Variants in ALMS1 observed in about 807,000 individuals in gnomAD.
The protein encoded by ALMS1 is centrosome-associated protein ALMS1.
Under a neutral mutation model 352.2 loss-of-function variants are expected in ALMS1, and 271 were observed. The ratio of observed to expected loss-of-function variants is 0.77; its 90% CI spans 0.70 to 0.85. ALMS1 has a LOEUF of 0.85. Ranked by LOEUF, ALMS1 falls within the 40% of genes least tolerant of loss-of-function variation. The pLI is 0.00. For missense variants in ALMS1, 5,445 were observed against 4,870.7 expected (o/e 1.12, Z -3.51); for synonymous variants, 1,865 against 1,761.2 (o/e 1.06, Z -1.48).
At chr2:73,406,597 C>G (rs1387997472) in intron 1 of ALMS1, among the ~76,000 whole-genome samples, 2 of 151,834 alleles carry the variant, frequency 1.3e-5, no homozygotes, top group Non-Finnish European at 2.9e-5. Flanking sequence ...TTGTAGTTAC[C>G]ATGAGAATAT....
intron 9 of ALMS1, chr2:73,458,033 C>CAAAAAAAAAAAAAA (rs70965735): frequency 1.3e-5 from 1 of 75,294 alleles, no homozygotes; most frequent in African/African-American, 5.9e-5. Context: ...GACTTTGTCT[C>CAAAAAAAAAAAAAA]AAAAAAAAAA....
chr2:73,581,728 C>G (rs1033471155), intron 16 of ALMS1, among the ~76,000 whole-genome samples: 1 of 151,972 alleles, frequency 6.6e-6, no homozygotes, highest in South Asian at 2.1e-4. Context: ...ATCAAAATAA[C>G]TAGAGTGACA....
At chr2:73,478,655 C>T (rs1001016636) in intron 9 of ALMS1, among the ~76,000 whole-genome samples, 2 of 114,878 alleles carry the variant, frequency 1.7e-5, no homozygotes, top group African/African-American at 5.5e-5. Flanking sequence ...GTAATTTATT[C>T]GTTTATTTAT....
intron 10 of ALMS1, 69 bp from the exon 11 acceptor site, chr2:73,519,706 T>C: frequency 6.2e-7 from 1 of 1,603,702 alleles, no homozygotes; most frequent in African/African-American, 1.3e-5. Flanking sequence ...GAAACCACTT[T>C]TGGAAAGAGA....
At chr2:73,504,171 T>G (rs1430731307) in intron 10 of ALMS1, among the ~76,000 whole-genome samples, 1 of 152,182 alleles carries the variant, frequency 6.6e-6, no homozygotes, top group Non-Finnish European at 1.5e-5. Context: ...CTTACATAAC[T>G]ATAATGCATT....
chr2:73,578,504 T>C (rs1675100836), intron 16 of ALMS1, among the ~76,000 whole-genome samples: 1 of 152,176 alleles, frequency 6.6e-6, no homozygotes, highest in Non-Finnish European at 1.5e-5. Context: ...TTTTATTCCC[T>C]TTTCATTTTT....
chr2:73,504,905 A>G (rs1673290443), intron 10 of ALMS1, among the ~76,000 whole-genome samples: 2 of 152,010 alleles, frequency 1.3e-5, no homozygotes, highest in African/African-American at 4.8e-5. Flanking sequence ...AACAGGCCCC[A>G]GTGTGTGATG....
chr2:73,439,643 C>T lies in ALMS1; in HGVS notation c.1432+7352C>T, dbSNP rs566363897. Among the ~76,000 whole-genome samples the T allele has an allele frequency of 1.1e-3, 163 of 152,084 alleles. 1 individual carries two copies. Among genetic ancestry groups the T allele is most frequent in the African/African-American group, 3.8e-3 (159 of 41,472 alleles). On this transcript the variant is annotated intron_variant, in intron 7 of 22. Transcript: ENST00000613296. ...GCAACCTCCACCTCCCAGGTTCAAGCGATTCTCCTGCCTCAGCCTCCTGAG... is the reference window on the plus strand; with the variant it reads ...GCAACCTCCACCTCCCAGGTTCAAGTGATTCTCCTGCCTCAGCCTCCTGAG...
intron 1 of ALMS1, among the ~76,000 whole-genome samples, chr2:73,400,615 G>A (rs998120248): frequency 5.3e-5 from 8 of 152,076 alleles, no homozygotes; most frequent in Admixed American, 2.0e-4. Flanking sequence ...TCAGTGTTTC[G>A]AATAGATATA....
In ALMS1 at chr2:73,508,500, C is replaced by T. The variant is rs7580034; in HGVS notation, c.9540-11275C>T. On this transcript the variant is annotated intron_variant, in intron 10 of 22. Transcript: ENST00000613296. The stretch of plus-strand genomic sequence containing the variant: ...GGTTACAGATGTGAGCCACCGCACC[C>T]GGCTGAGTGAGTTTCTTAATCCTGA... Among the ~76,000 whole-genome samples, 331 of 152,076 alleles carry T rather than the reference C, an allele frequency of 2.2e-3. 1 individual carries two copies. Among genetic ancestry groups the T allele is most frequent in the African/African-American group, 7.5e-3 (312 of 41,500 alleles).
intron 9 of ALMS1, among the ~76,000 whole-genome samples, chr2:73,467,265 T>C (rs1293091321): frequency 6.6e-6 from 1 of 152,102 alleles, no homozygotes; most frequent in Non-Finnish European, 1.5e-5. Flanking sequence ...ATTCAGAATA[T>C]ATAAGGAAGT....
chr2:73,535,093 A>G, intron 12 of ALMS1, 144 bp downstream of exon 12: 3 of 1,011,200 alleles, frequency 3.0e-6, no homozygotes, highest in South Asian at 1.4e-5. Flanking sequence ...TCTGGTTCAG[A>G]TAGGTGAGTT....
At chr2:73,578,674 A>G (rs1195218717) in intron 16 of ALMS1, among the ~76,000 whole-genome samples, 1 of 152,156 alleles carries the variant, frequency 6.6e-6, no homozygotes. Context: ...AACTTTAATA[A>G]TACACAAAAA....
chr2:73,530,178 C>G (rs1673879332), intron 11 of ALMS1, among the ~76,000 whole-genome samples: 1 of 152,178 alleles, frequency 6.6e-6, no homozygotes, highest in African/African-American at 2.4e-5. Flanking sequence ...AGTCCAAGTC[C>G]AAAGTCTCAT....
At position 73,424,547 on chromosome 2, in the gene ALMS1, T is replaced by C; in HGVS notation, c.882T>C (p.Ser294=). The change falls in exon 5 of 23, where the codon AGT becomes AGC. Residue 294 remains serine (S), a synonymous_variant. Coordinates refer to ENST00000613296, the MANE Select transcript of ALMS1 (RefSeq NM_001378454.1). The part of the protein sequence containing the change: ...VASDLASSRF[S]VSQHPLIGST... ...CAGACTTAGCAAGCAGTCGCTTTAG[T>C]GTATCTCAGCACCCGCTTATAGGCA... 1 of 1,613,716 alleles carries C rather than the reference T, an allele frequency of 6.2e-7. No individual in the cohort carries two copies.
chr2:73,486,775 G>A (rs764509749), intron 9 of ALMS1, among the ~76,000 whole-genome samples: 2 of 152,174 alleles, frequency 1.3e-5, no homozygotes, highest in East Asian at 1.9e-4. Context: ...CTGGCCAGGC[G>A]CAGTGGCTCA....
chr2:73,393,883 C>A (rs1441579978), intron 1 of ALMS1, among the ~76,000 whole-genome samples: 1 of 149,896 alleles, frequency 6.7e-6, no homozygotes, highest in Admixed American at 6.7e-5. Context: ...TGCAGTGGTG[C>A]AATCTCGGCT....
chr2:73,550,732 T>A (rs1251408143), intron 13 of ALMS1, among the ~76,000 whole-genome samples: 1 of 152,126 alleles, frequency 6.6e-6, no homozygotes, highest in Non-Finnish European at 1.5e-5. Context: ...GATACTAAGA[T>A]CCACAGAAAA....
chr2:73,537,844 A>G (rs538589743), intron 12 of ALMS1, among the ~76,000 whole-genome samples: 7 of 152,176 alleles, frequency 4.6e-5, no homozygotes, highest in Non-Finnish European at 1.0e-4. Context: ...CTGTCTCTAC[A>G]AAAAATTAAA....
Sources: gnomAD v4.1 joint callset for allele counts (sites outside exome capture counted in the v4.1 genomes callset) on GRCh38, gnomAD v4.1.1 for gene constraint, MANE v1.5 for transcripts, NCBI Gene and HGNC (gene_info 2026-07-23, HGNC 2026-07-21) for gene names.